FGF14: variants seen among roughly 807,000 people sequenced by gnomAD.
The protein encoded by FGF14 is fibroblast growth factor 14.
Under a neutral mutation model 25.5 loss-of-function variants are expected in FGF14, and 5 were observed. That is an observed-to-expected ratio of 0.20 (90% CI 0.10 to 0.41). FGF14 has a LOEUF of 0.41. Ranked by LOEUF, FGF14 falls within the 10% of genes least tolerant of loss-of-function variation. FGF14 has a pLI of 1.00. For synonymous variants in FGF14, 138 were observed against 118.3 expected (o/e 1.17, Z -1.08); for missense variants, 222 against 320.1 (o/e 0.69, Z 2.34).
intron 1 of FGF14, among the ~76,000 whole-genome samples, chr13:102,129,022 G>A (rs2046070588): frequency 6.6e-6 from 1 of 152,150 alleles, no homozygotes; most frequent in African/African-American, 2.4e-5. Flanking sequence ...GGTGGAAGTT[G>A]CAGAAGTTGC....
chr13:102,391,331 A>C (rs2058427690), intron 1 of FGF14, among the ~76,000 whole-genome samples: 1 of 152,196 alleles, frequency 6.6e-6, no homozygotes, highest in African/African-American at 2.4e-5. Context: ...ACCACATACT[A>C]ACTATAGCAT....
At chr13:102,157,246 G>T (rs985878788) in intron 1 of FGF14, among the ~76,000 whole-genome samples, 41 of 152,134 alleles carry the variant, frequency 2.7e-4, no homozygotes, top group Non-Finnish European at 5.4e-4. Context: ...CATGCTACCT[G>T]ACTTCAAACT....
At chr13:101,774,607 T>C (rs117930662) in intron 3 of FGF14, among the ~76,000 whole-genome samples, 4,848 of 152,116 alleles carry the variant, frequency 0.032, 119 homozygotes, top group Middle Eastern at 0.092. Context: ...TCATCACTAG[T>C]GGAAATGTTT....
At chr13:102,328,762 C>A (rs1447524428) in intron 1 of FGF14, among the ~76,000 whole-genome samples, 1 of 152,124 alleles carries the variant, frequency 6.6e-6, no homozygotes, top group Non-Finnish European at 1.5e-5. Flanking sequence ...TAAGATGGAG[C>A]CCTAACAAAT....
chr13:101,905,790 G>A (rs2032165449), intron 1 of FGF14, among the ~76,000 whole-genome samples: 1 of 152,130 alleles, frequency 6.6e-6, no homozygotes. Context: ...AGACACTAGA[G>A]TATAATGCTG....
At chr13:101,815,541 G>A (rs771649296) in intron 3 of FGF14, among the ~76,000 whole-genome samples, 38 of 152,240 alleles carry the variant, frequency 2.5e-4, no homozygotes, top group Admixed American at 7.2e-4. Flanking sequence ...GGAGAAGGGC[G>A]GATTGGAGTT....
rs1442830129 is a variant in FGF14, at chr13:102,145,021, T to C, written c.208+256450A>G. Among the ~76,000 whole-genome samples, 9 of 152,164 alleles carry C rather than the reference T, an allele frequency of 5.9e-5. No homozygotes were observed. The South Asian group carries it at 1.9e-3, about 32-fold the overall frequency. On this transcript the variant is annotated intron_variant, in intron 1 of 4. Transcript: ENST00000376131. ...AATATTTGAAAAATAAATCCCTAAATAAACATCCCTGGATTTTGTTATGCT... is the reference window on the plus strand; with the variant it reads ...AATATTTGAAAAATAAATCCCTAAACAAACATCCCTGGATTTTGTTATGCT...
chr13:101,884,868 TACACAC>T (rs760286958), intron 1 of FGF14, among the ~76,000 whole-genome samples: 5 of 73,182 alleles, frequency 6.8e-5, no homozygotes, highest in Non-Finnish European at 1.5e-4. Flanking sequence ...GACACATACA[TACACAC>T]ACACACACAC....
rs2035024931 is a variant in FGF14, at chr13:101,935,265, T to C, written c.209-59969A>G. Among the ~76,000 whole-genome samples, 3 of 152,346 alleles carry C rather than the reference T, an allele frequency of 2.0e-5. No homozygotes were observed. In the South Asian group the frequency reaches 6.2e-4, roughly 32 times the overall value. The stretch of plus-strand genomic sequence containing the variant: ...CTTCAGGGCTACATCCAGCAGCTGC[T>C]TGGGGCCCCTAGAATCCACTGTTGA... On this transcript the variant is annotated intron_variant, in intron 1 of 4. Coordinates refer to the FGF14 transcript ENST00000376131.
At chr13:101,861,165 T>G (rs1029319400) in intron 3 of FGF14, among the ~76,000 whole-genome samples, 2 of 152,108 alleles carry the variant, frequency 1.3e-5, no homozygotes, top group Admixed American at 6.6e-5. Context: ...ACAATTACCA[T>G]CTGTCACAGA....
intron 1 of FGF14, among the ~76,000 whole-genome samples, chr13:102,254,635 T>G (rs942282669): frequency 3.9e-5 from 6 of 152,166 alleles, no homozygotes; most frequent in Non-Finnish European, 8.8e-5. Context: ...CAGCAGAACT[T>G]TTGACATTTG....
intron 1 of FGF14, among the ~76,000 whole-genome samples, chr13:102,355,494 T>C (rs1166579818): frequency 1.3e-5 from 2 of 151,310 alleles, no homozygotes; most frequent in Non-Finnish European, 2.9e-5. Flanking sequence ...TATGTGCTGC[T>C]GGCTGGAAGT....
chr13:101,801,777 G>T, intron 3 of FGF14: 1 of 163,524 alleles, frequency 6.1e-6, no homozygotes, highest in Non-Finnish European at 1.3e-5. Flanking sequence ...TTAATTGGTA[G>T]AGAGGGGCCT....
At chr13:102,274,953 T>C (rs2053436822) in intron 1 of FGF14, among the ~76,000 whole-genome samples, 1 of 151,782 alleles carries the variant, frequency 6.6e-6, no homozygotes, top group Non-Finnish European at 1.5e-5. Context: ...TTACTCGTAA[T>C]AGCATTCAAC....
At chr13:102,153,535 T>C (rs1181202144) in intron 1 of FGF14, among the ~76,000 whole-genome samples, 1 of 152,192 alleles carries the variant, frequency 6.6e-6, no homozygotes, top group Non-Finnish European at 1.5e-5. Context: ...ATGGATCAAA[T>C]GAGATACAGT....
intron 3 of FGF14, among the ~76,000 whole-genome samples, chr13:101,822,296 T>C (rs1384018841): frequency 6.6e-6 from 1 of 152,132 alleles, no homozygotes; most frequent in Non-Finnish European, 1.5e-5. Flanking sequence ...CAGTGGAGAC[T>C]TTACCATAAT....
At chr13:102,266,666 T>C (rs2053007189) in intron 1 of FGF14, among the ~76,000 whole-genome samples, 1 of 152,116 alleles carries the variant, frequency 6.6e-6, no homozygotes, top group African/African-American at 2.4e-5. Flanking sequence ...TTTAAAAAGA[T>C]ATTAAACATA....
intron 1 of FGF14, among the ~76,000 whole-genome samples, chr13:101,933,541 C>G (rs182712171): frequency 6.6e-6 from 1 of 152,140 alleles, no homozygotes; most frequent in East Asian, 1.9e-4. Flanking sequence ...CTGGCCAACA[C>G]AGTGAAACCC....
chr13:102,363,074 T>C (rs1423981464), intron 1 of FGF14, among the ~76,000 whole-genome samples: 3 of 152,206 alleles, frequency 2.0e-5, no homozygotes, highest in Non-Finnish European at 4.4e-5. Context: ...TAATATTTCA[T>C]TGTGGTAACA....
Sources: allele counts gnomAD v4.1 joint callset (sites outside exome capture counted in the v4.1 genomes callset), GRCh38; gene constraint gnomAD v4.1.1; transcripts MANE v1.5; gene names NCBI Gene and HGNC (gene_info 2026-07-23, HGNC 2026-07-21).